Variants in OAS1 observed in about 807,000 individuals in gnomAD.
The protein encoded by OAS1 is 2'-5'-oligoadenylate synthetase 1.
Under a neutral mutation model 38.5 loss-of-function variants are expected in OAS1, and 24 were observed. That is an observed-to-expected ratio of 0.62 (90% CI 0.45 to 0.88). OAS1 has a LOEUF of 0.88. OAS1 is among the 40% of genes least tolerant of loss of function. OAS1 has a pLI of 0.00. For missense variants in OAS1, 482 were observed against 493.9 expected (o/e 0.98, Z 0.23); for synonymous variants, 169 against 193.9 (o/e 0.87, Z 1.07).
chr12:112,908,899 G>GC (rs1565958639), intron 2 of OAS1, 75 bp downstream of exon 2: 1 of 1,484,580 alleles, frequency 6.7e-7, no homozygotes, highest in Non-Finnish European at 9.1e-7. Context: ...AGAGCTTTTT[G>GC]CCCCAACAGG....
intron 3 of OAS1, among the ~76,000 whole-genome samples, chr12:112,912,855 C>A (rs991745030): frequency 6.6e-6 from 1 of 152,230 alleles, no homozygotes; most frequent in Non-Finnish European, 1.5e-5. Flanking sequence ...TCATCACCAC[C>A]TCCAACTTAT....
downstream of OAS1, among the ~76,000 whole-genome samples, chr12:112,923,662 T>A (rs955234798): frequency 2.0e-5 from 3 of 152,232 alleles, no homozygotes; most frequent in Non-Finnish European, 4.4e-5. Flanking sequence ...TTCCATAGAT[T>A]GTCTTTTCAG....
intron 6 of OAS1, among the ~76,000 whole-genome samples, chr12:112,929,110 A>T (rs1260920193): frequency 1.3e-5 from 2 of 152,124 alleles, no homozygotes; most frequent in Admixed American, 6.5e-5. Flanking sequence ...CCCCAAGATG[A>T]CCCCATGCCA....
chr12:112,920,452 A>G (rs1251852851), downstream of OAS1, among the ~76,000 whole-genome samples: 3 of 152,212 alleles, frequency 2.0e-5, no homozygotes, highest in Non-Finnish European at 4.4e-5. Flanking sequence ...GACAATTTTT[A>G]AATATATTTG....
chr12:112,932,729 G>T (rs898623595), downstream of OAS1: 2 of 152,266 alleles, frequency 1.3e-5, no homozygotes, highest in African/African-American at 4.8e-5. Flanking sequence ...CGTTGCTACA[G>T]ATGAGAGAAT....
intron 3 of OAS1, 116 bp downstream of exon 3, chr12:112,911,351 A>G (rs1328287355): frequency 3.8e-6 from 3 of 795,100 alleles, no homozygotes; most frequent in Non-Finnish European, 5.7e-6. Context: ...GTGGAGGGAA[A>G]TAGAGGGATG....
chr12:112,922,707 A>T (rs2043537931), downstream of OAS1, among the ~76,000 whole-genome samples: 2 of 152,324 alleles, frequency 1.3e-5, no homozygotes, highest in South Asian at 4.1e-4. Flanking sequence ...AGACTTACAT[A>T]GTAAACATAT....
intron 3 of OAS1, among the ~76,000 whole-genome samples, chr12:112,916,276 C>T (rs2043453066): frequency 1.3e-5 from 2 of 152,126 alleles, no homozygotes. Context: ...AAATAAAAGG[C>T]TAGATAGTAA....
At chr12:112,912,242 A>C (rs1350739634) in intron 3 of OAS1, among the ~76,000 whole-genome samples, 2 of 152,296 alleles carry the variant, frequency 1.3e-5, no homozygotes, top group East Asian at 3.9e-4. Context: ...GGGTAGGCTG[A>C]GGTGGGAGGA....
chr12:112,917,523 C>T (rs1418602497), intron 4 of OAS1, 24 bp from the exon 5 acceptor site: 7 of 1,613,312 alleles, frequency 4.3e-6, no homozygotes, highest in African/African-American at 1.3e-5. Flanking sequence ...TCTCACCTGT[C>T]CCTCTCTAAA....
In OAS1 at chr12:112,931,367, C is replaced by G. The variant is rs560768229; in HGVS notation, c.1168-511C>G. On this transcript the variant is annotated intron_variant, in intron 6 of 6. Transcript: ENST00000540589. ...TGCCTGGGTTCAAATCCTAGCTCTACCAATTTCCAGCTCTGTAACATCGAG... is the reference window on the plus strand; with the variant it reads ...TGCCTGGGTTCAAATCCTAGCTCTAGCAATTTCCAGCTCTGTAACATCGAG... Among the ~76,000 whole-genome samples, 5 of 152,312 alleles carry G rather than the reference C, an allele frequency of 3.3e-5. No homozygotes were observed. The South Asian group carries it at 8.3e-4, about 25-fold the overall frequency.
downstream of OAS1, among the ~76,000 whole-genome samples, chr12:112,922,491 C>G (rs2043536550): frequency 6.6e-6 from 1 of 152,154 alleles, no homozygotes; most frequent in Admixed American, 6.5e-5. Context: ...CCCCTCCAAC[C>G]TCACCATTCA....
chr12:112,912,064 G>A (rs533268853), intron 3 of OAS1, among the ~76,000 whole-genome samples: 89 of 152,314 alleles, frequency 5.8e-4, no homozygotes, highest in African/African-American at 1.9e-3. Context: ...TTGGCTGGGC[G>A]CGGTAGCTCA....
chr12:112,921,670 T>C (rs2043529888), downstream of OAS1, among the ~76,000 whole-genome samples: 1 of 152,144 alleles, frequency 6.6e-6, no homozygotes, highest in Non-Finnish European at 1.5e-5. Context: ...CACCATGGGG[T>C]CTGCCAGGCT....
downstream of OAS1, among the ~76,000 whole-genome samples, chr12:112,921,891 C>T (rs1274231440): frequency 1.3e-5 from 2 of 152,180 alleles, no homozygotes; most frequent in African/African-American, 4.8e-5. Context: ...AACCCTCAGG[C>T]CAATGTCGGG....
downstream of OAS1, among the ~76,000 whole-genome samples, chr12:112,922,019 C>T (rs1379924041): frequency 9.9e-5 from 15 of 152,254 alleles, no homozygotes; most frequent in Admixed American, 9.2e-4. Flanking sequence ...GCCAGGGCTC[C>T]ATTTTTCACT....
rs1451789434 is a variant in OAS1, at chr12:112,919,671, A to G, written c.*118A>G. ...TCCTCAGTGAGCTGGTGTATAATCC[A>G]GGACAGAACCCAGGTCTCCTGACTC... On this transcript the variant is annotated 3_prime_UTR_variant, in exon 6 of 6. Coordinates refer to ENST00000202917, the MANE Select transcript of OAS1 (RefSeq NM_016816.4). 1.3e-6 allele frequency: 2 copies of G among 1,573,500 alleles called. No homozygotes were observed. The highest frequency in any genetic ancestry group is 1.7e-6 in the Non-Finnish European group (2 of 1,158,266).
downstream of OAS1, among the ~76,000 whole-genome samples, chr12:112,921,693 G>C (rs1410260863): frequency 6.6e-6 from 1 of 152,200 alleles, no homozygotes; most frequent in Non-Finnish European, 1.5e-5. Flanking sequence ...TGTGGGCCAA[G>C]TAGAGGGGCG....
chr12:112,925,516 C>G (rs2043553018), intron 6 of OAS1, among the ~76,000 whole-genome samples: 1 of 152,198 alleles, frequency 6.6e-6, no homozygotes, highest in Non-Finnish European at 1.5e-5. Flanking sequence ...GAAACAGGCT[C>G]TCCTCTGTCA....
Sources: gnomAD v4.1 joint callset for allele counts (sites outside exome capture counted in the v4.1 genomes callset) on GRCh38, gnomAD v4.1.1 for gene constraint, MANE v1.5 for transcripts, NCBI Gene and HGNC (gene_info 2026-07-23, HGNC 2026-07-21) for gene names.